Variants in EFHC2 observed in about 807,000 individuals in gnomAD.
EFHC2 encodes the protein EF-hand domain containing 2, also known as EF-hand domain-containing family member C2.
In EFHC2, 18 loss-of-function variants were observed where a neutral mutation model predicts 52.7. The observed-to-expected ratio is 0.34, with a 90% CI of 0.24 to 0.51. The LOEUF (loss-of-function observed/expected upper bound fraction) is 0.51. Ranked by LOEUF, EFHC2 falls within the 20% of genes least tolerant of loss-of-function variation. The pLI, the probability that EFHC2 is intolerant of heterozygous loss-of-function variation, is 0.97. For synonymous variants in EFHC2, 203 were observed against 204.1 expected (o/e 0.99, Z 0.04); for missense variants, 513 against 562.5 (o/e 0.91, Z 0.89).
At chrX:44,260,181 A>G (rs934946045) in intron 4 of EFHC2, among the ~76,000 whole-genome samples, 6 of 111,497 alleles carry the variant, frequency 5.4e-5, no homozygotes, top group African/African-American at 1.6e-4. Context: ...GAAATGCTCT[A>G]CATCTCAATA....
At chrX:44,338,918 C>T (rs188194643) in intron 1 of EFHC2, among the ~76,000 whole-genome samples, 96 of 111,651 alleles carry the variant, frequency 8.6e-4, no homozygotes, top group African/African-American at 2.7e-3. Context: ...CGGCCAGGCG[C>T]GGTGGCTCAC....
chrX:44,231,424 T>C (rs1458856062), intron 10 of EFHC2, among the ~76,000 whole-genome samples: 1 of 111,471 alleles, frequency 9.0e-6, no homozygotes, highest in African/African-American at 3.3e-5. Context: ...TTCTCAGAGC[T>C]GTGTTGTCAG....
chrX:44,163,724 C>A (rs764996244), intron 14 of EFHC2, among the ~76,000 whole-genome samples, 198 bp downstream of exon 14: 5 of 112,207 alleles, frequency 4.5e-5, no homozygotes, highest in Admixed American at 1.9e-4. Flanking sequence ...TAAGAAAAGT[C>A]ATGCTTTTAC....
chrX:44,272,670 T>C lies in EFHC2; in HGVS notation c.382+16A>G, dbSNP rs1210309266. ...GTCAGAAGTGAAGGAACCATAACTC[T>C]GCTTTAAATAGATACCTTGAAGTAA... On this transcript the variant is annotated intron_variant, in intron 3 of 14. Transcript: ENST00000420999. 3 of 1,162,775 alleles carry C rather than the reference T, an allele frequency of 2.6e-6. No homozygotes were observed. Among genetic ancestry groups the C allele is most frequent in the Non-Finnish European group, 2.3e-6 (2 of 871,258 alleles).
intron 4 of EFHC2, among the ~76,000 whole-genome samples, chrX:44,252,245 G>A (rs190376071): frequency 1.0e-3 from 116 of 111,647 alleles, no homozygotes; most frequent in Middle Eastern, 4.6e-3. Context: ...GCCCTGTCGT[G>A]GAGTTAAACT....
chrX:44,178,129 T>TCACACACACACACACACACACA (rs201977577), intron 12 of EFHC2, among the ~76,000 whole-genome samples: 66 of 83,950 alleles, frequency 7.9e-4, no homozygotes, highest in African/African-American at 9.3e-4. Context: ...AGATGCCATA[T>TCACACACACACACACACACACA]CACACACACA....
At chrX:44,213,307 C>T (rs2037115236) in intron 11 of EFHC2, among the ~76,000 whole-genome samples, 1 of 111,305 alleles carries the variant, frequency 9.0e-6, no homozygotes. Context: ...CAATCAACAA[C>T]ACTATGTCGA....
intron 14 of EFHC2, among the ~76,000 whole-genome samples, chrX:44,160,312 G>A (rs1008076380): frequency 1.8e-5 from 2 of 110,909 alleles, no homozygotes; most frequent in South Asian, 7.8e-4. Context: ...ACATTCAAAA[G>A]AGAGGAGAAA....
intron 14 of EFHC2, 129 bp from the exon 15 acceptor site, chrX:44,149,025 T>C: frequency 2.0e-6 from 1 of 510,800 alleles, no homozygotes; most frequent in South Asian, 3.3e-5. Context: ...GACTTTGTGG[T>C]CTACTGGATA....
At chrX:44,169,273 A>ATTAT (rs199987626) in intron 13 of EFHC2, among the ~76,000 whole-genome samples, 1 of 110,525 alleles carries the variant, frequency 9.0e-6, no homozygotes, top group Non-Finnish European at 1.9e-5. Context: ...CTTTCTATTT[A>ATTAT]TTATTTATTT....
intron 11 of EFHC2, among the ~76,000 whole-genome samples, chrX:44,186,266 A>G (rs1418039486): frequency 1.8e-5 from 2 of 112,111 alleles, no homozygotes; most frequent in African/African-American, 6.5e-5. Flanking sequence ...ATCCTTTAAA[A>G]TGTTCATCTA....
At chrX:44,184,520 C>T (rs2036858876) in intron 11 of EFHC2, among the ~76,000 whole-genome samples, 2 of 110,912 alleles carry the variant, frequency 1.8e-5, no homozygotes, top group South Asian at 7.6e-4. Context: ...GTCAGGGGTT[C>T]GAGATCAGCC....
chrX:44,299,329 C>T (rs750129176), intron 2 of EFHC2, among the ~76,000 whole-genome samples: 7 of 111,381 alleles, frequency 6.3e-5, no homozygotes, highest in East Asian at 2.8e-4. Context: ...CCAGCATTAT[C>T]GTCAACACAG....
At chrX:44,193,397 G>A (rs767493705) in intron 11 of EFHC2, among the ~76,000 whole-genome samples, 215 of 111,091 alleles carry the variant, frequency 1.9e-3, no homozygotes, top group Non-Finnish European at 3.6e-3. Context: ...CTCAGGCTCT[G>A]TCATGGGCAT....
At chrX:44,238,188 A>G (rs1162755083) in intron 8 of EFHC2, among the ~76,000 whole-genome samples, 1 of 111,043 alleles carries the variant, frequency 9.0e-6, no homozygotes, top group East Asian at 2.8e-4. Flanking sequence ...CTCAAGCCCA[A>G]ATCTTGAGAG....
chrX:44,210,495 T>C (rs756333854), intron 11 of EFHC2, among the ~76,000 whole-genome samples: 10 of 112,454 alleles, frequency 8.9e-5, no homozygotes, highest in East Asian at 5.6e-4. Flanking sequence ...AATACGTCAA[T>C]TGGACAGAAT....
At chrX:44,248,508 C>A in intron 6 of EFHC2, 98 bp from the exon 7 acceptor site, 1 of 950,272 alleles carries the variant, frequency 1.1e-6, no homozygotes, top group Non-Finnish European at 1.4e-6. Flanking sequence ...AATAAAACTT[C>A]AATCTTTAAT....
At chrX:44,150,438 G>A (rs183721209) in intron 14 of EFHC2, among the ~76,000 whole-genome samples, 1 of 111,696 alleles carries the variant, frequency 9.0e-6, no homozygotes, top group Non-Finnish European at 1.9e-5. Context: ...TGGCAAGAGA[G>A]ATGGTTAGAA....
At chrX:44,227,979 G>A (rs1391575187) in intron 11 of EFHC2, among the ~76,000 whole-genome samples, 1 of 111,797 alleles carries the variant, frequency 8.9e-6, no homozygotes, top group Non-Finnish European at 1.9e-5. Context: ...AGACAGGGCT[G>A]CAGAAAAAGA....
Sources: allele counts gnomAD v4.1 joint callset (sites outside exome capture counted in the v4.1 genomes callset), GRCh38; gene constraint gnomAD v4.1.1; transcripts MANE v1.5; gene names NCBI Gene and HGNC (gene_info 2026-07-23, HGNC 2026-07-21).